Variants in AOPEP observed in about 807,000 individuals in gnomAD.
The protein encoded by AOPEP is aminopeptidase O (putative).
A neutral mutation model predicts 98.1 loss-of-function variants in AOPEP; 77 were observed. The ratio of observed to expected loss-of-function variants is 0.78; its 90% CI spans 0.65 to 0.95. The LOEUF (loss-of-function observed/expected upper bound fraction) is 0.95, where lower values mean the gene tolerates loss of function less well. Ranked by LOEUF, AOPEP falls within the 40% of genes least tolerant of loss-of-function variation. The probability of loss-of-function intolerance (pLI) is 0.00; values close to 1 mark genes in which losing one functional copy is unlikely to be tolerated. For synonymous variants in AOPEP, 346 were observed against 365.3 expected, an observed-to-expected ratio of 0.95 and a Z score of 0.60; for missense variants, 1,024 against 1,024.7, an observed-to-expected ratio of 1.00 and a Z score of 0.01.
chr9:95,032,397 T>A (rs2064391394), intron 13 of AOPEP, among the ~76,000 whole-genome samples: 1 of 152,250 alleles, frequency 6.6e-6, no homozygotes, highest in Admixed American at 6.5e-5. Context: ...ACTGCAGCAT[T>A]GGTTTTCAAG....
chr9:95,050,189 A>C (rs189313053), intron 13 of AOPEP, among the ~76,000 whole-genome samples: 60 of 152,382 alleles, frequency 3.9e-4, no homozygotes, highest in African/African-American at 1.4e-3. Flanking sequence ...AAGGGCAAAC[A>C]GACTCGATGT....
At chr9:94,855,504 C>T (rs1178044868) in intron 5 of AOPEP, among the ~76,000 whole-genome samples, 5 of 152,092 alleles carry the variant, frequency 3.3e-5, no homozygotes, top group African/African-American at 9.6e-5. Context: ...GCCTGACCAA[C>T]GTGGAGAAAC....
intron 1 of AOPEP, among the ~76,000 whole-genome samples, chr9:94,746,408 T>C (rs1834491612): frequency 6.6e-6 from 1 of 152,144 alleles, no homozygotes; most frequent in Admixed American, 6.5e-5. Context: ...AGTACCTTGA[T>C]TGTCAGTCCC....
At chr9:94,812,145 T>A (rs1415291789) in intron 5 of AOPEP, among the ~76,000 whole-genome samples, 1 of 152,084 alleles carries the variant, frequency 6.6e-6, no homozygotes, top group Admixed American at 6.5e-5. Context: ...AAAGGGTGCT[T>A]GTTCTTAGGA....
intron 14 of AOPEP, 72 bp from the exon 15 acceptor site, chr9:95,080,622 C>G (rs2069635564): frequency 2.0e-6 from 2 of 1,017,660 alleles, no homozygotes; most frequent in Non-Finnish European, 3.1e-6. Flanking sequence ...ACAGAGGCTG[C>G]CTGTCACTGG....
intron 16 of AOPEP, chr9:95,085,852 C>A: frequency 8.7e-7 from 1 of 1,151,338 alleles, no homozygotes; most frequent in Non-Finnish European, 1.1e-6. Flanking sequence ...TAGCTCATGG[C>A]TGTGAGCGGG....
At chr9:95,124,159 CTATTTGACGTTG>C in the AOPEP span, among the ~76,000 whole-genome samples, 2 of 144,494 alleles carry the variant, frequency 1.4e-5, no homozygotes, top group Non-Finnish European at 3.0e-5. Context: ...CCTGAGAGAT[CTATTTGACGTTG>C]GCGGGGGGTG....
the AOPEP span, among the ~76,000 whole-genome samples, chr9:95,143,817 C>T: frequency 3.6e-3 from 550 of 152,310 alleles, 5 homozygotes; most frequent in African/African-American, 0.012. Flanking sequence ...CGTCTTTAGC[C>T]TGCAGGTGCC....
intron 5 of AOPEP, among the ~76,000 whole-genome samples, chr9:94,892,318 C>G (rs1236826231): frequency 6.6e-6 from 1 of 152,184 alleles, no homozygotes; most frequent in Non-Finnish European, 1.5e-5. Flanking sequence ...TATTTTCCCA[C>G]AGAACCCTGA....
At chr9:94,882,649 G>A (rs530889898) in intron 5 of AOPEP, among the ~76,000 whole-genome samples, 2 of 152,308 alleles carry the variant, frequency 1.3e-5, no homozygotes, top group African/African-American at 4.8e-5. Flanking sequence ...GGTGGTGGGA[G>A]CCTGTAATCC....
chr9:94,914,779 A>G (rs2052572072), intron 5 of AOPEP, among the ~76,000 whole-genome samples: 1 of 152,210 alleles, frequency 6.6e-6, no homozygotes, highest in Non-Finnish European at 1.5e-5. Context: ...CAGCCACATT[A>G]GCATTACCCG....
At chr9:94,855,378 G>A (rs115236228) in intron 5 of AOPEP, among the ~76,000 whole-genome samples, 11 of 152,218 alleles carry the variant, frequency 7.2e-5, no homozygotes, top group South Asian at 4.1e-4. Flanking sequence ...AGGCCTGGCC[G>A]TGTTTTAGTT....
At chr9:94,805,484 GTTT>G (rs1327135430) in intron 5 of AOPEP, among the ~76,000 whole-genome samples, 1 of 145,288 alleles carries the variant, frequency 6.9e-6, no homozygotes, top group Non-Finnish European at 1.5e-5. Flanking sequence ...TTTGTTTTTT[GTTT>G]TTTGTTTTTT....
At chr9:94,919,850 T>C (rs1036494944) in intron 5 of AOPEP, among the ~76,000 whole-genome samples, 2 of 152,198 alleles carry the variant, frequency 1.3e-5, no homozygotes, top group African/African-American at 2.4e-5. Context: ...ATGAGCCTGG[T>C]TCCCCCCTCT....
At chr9:95,037,595 T>C (rs1356945601) in intron 13 of AOPEP, among the ~76,000 whole-genome samples, 1 of 152,218 alleles carries the variant, frequency 6.6e-6, no homozygotes, top group Non-Finnish European at 1.5e-5. Flanking sequence ...AACATAACTT[T>C]TGTTCTGGGC....
intron 5 of AOPEP, among the ~76,000 whole-genome samples, chr9:94,921,860 G>A (rs914228396): frequency 1.5e-4 from 23 of 152,098 alleles, no homozygotes; most frequent in African/African-American, 5.3e-4. Context: ...CTTCTGAGCC[G>A]GCAGGATGTT....
At chr9:95,100,398 A>T in the AOPEP span, 1 of 231,462 alleles carries the variant, frequency 4.3e-6, no homozygotes, top group Non-Finnish European at 8.6e-6. Flanking sequence ...ATACCAAAAT[A>T]AGGAATTTCC....
At chr9:94,967,197 A>C (rs1032391200) in intron 9 of AOPEP, among the ~76,000 whole-genome samples, 1 of 152,190 alleles carries the variant, frequency 6.6e-6, no homozygotes, top group Admixed American at 6.5e-5. Context: ...AAACATCTCA[A>C]ATGTCCAGTG....
chr9:94,761,201 A>G (rs941848792), intron 2 of AOPEP, among the ~76,000 whole-genome samples: 1 of 152,162 alleles, frequency 6.6e-6, no homozygotes, highest in Non-Finnish European at 1.5e-5. Flanking sequence ...GATTCTTGGT[A>G]TTTGGTACCA....
Sources: allele counts gnomAD v4.1 joint callset (sites outside exome capture counted in the v4.1 genomes callset), GRCh38; gene constraint gnomAD v4.1.1; transcripts MANE v1.5; gene names NCBI Gene and HGNC (gene_info 2026-07-23, HGNC 2026-07-21).